Variants in GALNT16 observed in about 807,000 individuals in gnomAD.
The protein encoded by GALNT16 is polypeptide N-acetylgalactosaminyltransferase 16, also known as UDP-GalNAc:polypeptide N-acetylgalactosaminyltransferase-like protein 1.
In GALNT16, 40 loss-of-function variants were observed where a neutral mutation model predicts 76.1. That is an observed-to-expected ratio of 0.53 (90% CI 0.41 to 0.68). The LOEUF (loss-of-function observed/expected upper bound fraction) is 0.68. GALNT16 is among the 30% of genes least tolerant of loss of function. The pLI is 0.00. For missense variants in GALNT16, 621 were observed against 731.9 expected (o/e 0.85, Z 1.75); for synonymous variants, 276 against 285.2 (o/e 0.97, Z 0.32).
chr14:69,320,598 G>A (rs900588963), intron 1 of GALNT16, 113 bp from the exon 2 acceptor site: 80 of 814,208 alleles, frequency 9.8e-5, no homozygotes, highest in Admixed American at 2.2e-4. Flanking sequence ...TAGAGTTGGC[G>A]TAAGGCACAA....
chr14:69,323,995 T>C (rs935699383), intron 2 of GALNT16, among the ~76,000 whole-genome samples: 5 of 152,074 alleles, frequency 3.3e-5, no homozygotes, highest in Non-Finnish European at 7.4e-5. Flanking sequence ...AATGAATTGT[T>C]TTCACTCCCT....
chr14:69,360,847 G>A (rs1412090958), downstream of GALNT16, among the ~76,000 whole-genome samples: 1 of 152,228 alleles, frequency 6.6e-6, no homozygotes, highest in African/African-American at 2.4e-5. Context: ...TGACTGAGAT[G>A]GGTTCTGGTC....
chr14:69,316,348 C>T (rs1168151392), intron 1 of GALNT16, among the ~76,000 whole-genome samples: 2 of 152,178 alleles, frequency 1.3e-5, no homozygotes, highest in African/African-American at 4.8e-5. Flanking sequence ...AGGTTTTTCT[C>T]TGGGCTTTGG....
rs56110948 is a variant in GALNT16 at position 69,321,154 on chromosome 14, G to T, written c.335+286G>T. On this transcript the variant is annotated intron_variant, in intron 2 of 14. Coordinates refer to ENST00000448469, the MANE Select transcript of GALNT16 (RefSeq NM_001168368.2). ...GGGAGGGGACCAAAGGAGGTCCGTG[G>T]CAGTGGGTGAGCCAGGCGCTCTTGG... Among the ~76,000 whole-genome samples the T allele has an allele frequency of 8.0e-3, 1,214 of 152,312 alleles. 13 individuals carry two copies. The highest frequency in any genetic ancestry group is 0.028 in the African/African-American group (1,148 of 41,572).
At chr14:69,297,405 T>A (rs2140136089) in intron 1 of GALNT16, among the ~76,000 whole-genome samples, 1 of 152,332 alleles carries the variant, frequency 6.6e-6, no homozygotes, top group East Asian at 1.9e-4. Context: ...GTTTATACAT[T>A]TTTATGTTAA....
At chr14:69,316,155 AAG>A (rs2045097785) in intron 1 of GALNT16, among the ~76,000 whole-genome samples, 3 of 152,180 alleles carry the variant, frequency 2.0e-5, no homozygotes, top group Admixed American at 2.0e-4. Flanking sequence ...GTCCTGCCAG[AAG>A]CCTATGAGTG....
At chr14:69,335,409 T>G in intron 9 of GALNT16, among the ~76,000 whole-genome samples, 1 of 152,244 alleles carries the variant, frequency 6.6e-6, no homozygotes, top group Non-Finnish European at 1.5e-5. Flanking sequence ...AGTGACCCGC[T>G]TTGTGTCTTC....
chr14:69,372,278 T>A, the GALNT16 span, among the ~76,000 whole-genome samples: 1 of 152,022 alleles, frequency 6.6e-6, no homozygotes, highest in East Asian at 1.9e-4. Flanking sequence ...GAGTGATCCA[T>A]CCACAGGCTC....
intron 1 of GALNT16, among the ~76,000 whole-genome samples, chr14:69,299,127 T>G (rs1314593120): frequency 6.6e-6 from 1 of 152,220 alleles, no homozygotes; most frequent in Non-Finnish European, 1.5e-5. Flanking sequence ...GCAGTAGCCC[T>G]GGGAAAATGG....
intron 1 of GALNT16, among the ~76,000 whole-genome samples, chr14:69,310,870 G>C (rs895411101): frequency 1.3e-5 from 2 of 152,128 alleles, no homozygotes; most frequent in African/African-American, 2.4e-5. Flanking sequence ...AGCTGTGATG[G>C]CACCACTGCA....
intron 9 of GALNT16, among the ~76,000 whole-genome samples, chr14:69,336,292 T>C (rs769835430): frequency 3.3e-5 from 5 of 152,182 alleles, no homozygotes; most frequent in Admixed American, 1.3e-4. Context: ...GTATTTTTAG[T>C]AGAGACGGGG....
downstream of GALNT16, chr14:69,357,162 A>T (rs1238702391): frequency 6.6e-6 from 1 of 152,238 alleles, no homozygotes; most frequent in African/African-American, 2.4e-5. Context: ...CCACATGATA[A>T]AAGCTACAGG....
At chr14:69,275,401 GA>G (rs2044459173) in intron 1 of GALNT16, among the ~76,000 whole-genome samples, 1 of 152,188 alleles carries the variant, frequency 6.6e-6, no homozygotes, top group Non-Finnish European at 1.5e-5. Flanking sequence ...GAAAGGAGCT[GA>G]AAAATATGAT....
intron 14 of GALNT16, 105 bp from the exon 15 acceptor site, chr14:69,351,926 T>G: frequency 9.3e-7 from 1 of 1,070,110 alleles, no homozygotes; most frequent in Non-Finnish European, 1.4e-6. Context: ...TGTGTCCTAG[T>G]TATATACAAG....
At chr14:69,286,304 C>CTTT (rs35362251) in intron 1 of GALNT16, among the ~76,000 whole-genome samples, 41 of 142,132 alleles carry the variant, frequency 2.9e-4, no homozygotes, top group Admixed American at 4.9e-4. Flanking sequence ...TCCAAAGGCA[C>CTTT]TTTTTTTTTT....
At chr14:69,262,875 CT>C (rs1407796648) in intron 1 of GALNT16, among the ~76,000 whole-genome samples, 3 of 101,352 alleles carry the variant, frequency 3.0e-5, no homozygotes, top group African/African-American at 5.1e-5. Flanking sequence ...AGCAAGATTT[CT>C]TTTTTTCTTT....
At chr14:69,302,232 G>A (rs552903726) in intron 1 of GALNT16, among the ~76,000 whole-genome samples, 125 of 152,088 alleles carry the variant, frequency 8.2e-4, no homozygotes, top group African/African-American at 2.9e-3. Flanking sequence ...AAATGTAAAT[G>A]CATTTATTCA....
chr14:69,307,908 G>A (rs1313418988), intron 1 of GALNT16, among the ~76,000 whole-genome samples: 1 of 152,058 alleles, frequency 6.6e-6, no homozygotes, highest in Non-Finnish European at 1.5e-5. Context: ...GTCCCACCCT[G>A]TTTTCAACTG....
chr14:69,325,521 C>G (rs11621539), intron 4 of GALNT16, 117 bp downstream of exon 4: 2 of 730,762 alleles, frequency 2.7e-6, no homozygotes, highest in Non-Finnish European at 5.0e-6. Flanking sequence ...TTTCTGCCCC[C>G]AGCAGGGATC....
Sources: allele counts gnomAD v4.1 joint callset (sites outside exome capture counted in the v4.1 genomes callset), GRCh38; gene constraint gnomAD v4.1.1; transcripts MANE v1.5; gene names NCBI Gene and HGNC (gene_info 2026-07-23, HGNC 2026-07-21).